The following DNAJC13 variants were observed in gnomAD, a reference collection of about 807,000 sequenced individuals.
The protein encoded by DNAJC13 is dnaJ homolog subfamily C member 13.
A neutral mutation model predicts 290.5 loss-of-function variants in DNAJC13; 75 were observed. That is an observed-to-expected ratio of 0.26 (90% CI 0.21 to 0.31). The LOEUF (loss-of-function observed/expected upper bound fraction) is 0.31. DNAJC13 is among the 10% of genes least tolerant of loss of function. The probability of loss-of-function intolerance (pLI) is 1.00; values close to 1 mark genes in which losing one functional copy is unlikely to be tolerated. For synonymous variants in DNAJC13, 862 were observed against 892.0 expected, an observed-to-expected ratio of 0.97 and a Z score of 0.60; for missense variants, 2,260 against 2,674.5, an observed-to-expected ratio of 0.85 and a Z score of 3.42.
chr3:132,460,103 C>T (rs1345155845), intron 13 of DNAJC13, 147 bp from the exon 14 acceptor site: 3 of 453,374 alleles, frequency 6.6e-6, no homozygotes, highest in African/African-American at 2.0e-5. Flanking sequence ...CTGCTTATCA[C>T]GAGTTTCCTT....
chr3:132,526,372 C>G, intron 53 of DNAJC13, 91 bp downstream of exon 53: 1 of 1,518,202 alleles, frequency 6.6e-7, no homozygotes, highest in Non-Finnish European at 8.9e-7. Context: ...GTTTCCTTGA[C>G]TTAAGGTTGG....
intron 1 of DNAJC13, among the ~76,000 whole-genome samples, chr3:132,434,180 A>G (rs549342835): frequency 7.9e-5 from 12 of 151,168 alleles, no homozygotes; most frequent in Admixed American, 5.3e-4. Flanking sequence ...ACTGCACTCC[A>G]GCCTGGGCGA....
chr3:132,466,191 C>T lies in DNAJC13; in HGVS notation c.1969-108C>T, dbSNP rs187417195. 2.9e-4 allele frequency: 401 copies of T among 1,393,578 alleles called. 2 individuals carry two copies. The African/African-American group carries it at 4.0e-3, about 14-fold the overall frequency. The allele number at this position is 1,393,578 out of a possible 1,614,324, so 86.3% of individuals were successfully genotyped here. A position where few individuals can be genotyped will look rare whatever the true frequency, so the allele number is the denominator to read the frequency against. On this transcript the variant is annotated intron_variant, in intron 18 of 55. Coordinates refer to ENST00000260818, the MANE Select transcript of DNAJC13 (RefSeq NM_015268.4). ...GAAAAGTTATTTATCATAGGAGTTA[C>T]CGTAAAGTTTTACCCTCAATAGCTA...
chr3:132,434,209 CAAAAAAA>C (rs544393571), intron 1 of DNAJC13, among the ~76,000 whole-genome samples: 1 of 107,446 alleles, frequency 9.3e-6, no homozygotes, highest in South Asian at 2.9e-4. Flanking sequence ...GACTCCATCT[CAAAAAAA>C]AAAAACAAAA....
At chr3:132,495,565 T>C (rs555382828) in intron 35 of DNAJC13, among the ~76,000 whole-genome samples, 2 of 152,296 alleles carry the variant, frequency 1.3e-5, no homozygotes, top group African/African-American at 2.4e-5. Flanking sequence ...CAATTTCATA[T>C]CACTGTAACT....
chr3:132,455,188 G>A (rs939602611), intron 9 of DNAJC13, among the ~76,000 whole-genome samples: 5 of 151,896 alleles, frequency 3.3e-5, no homozygotes, highest in Non-Finnish European at 5.9e-5. Context: ...AAAACCAAGC[G>A]ACCCAATAGT....
Position 132,464,281 on chromosome 3 carries a change from T to C in DNAJC13, c.1892+464T>C, listed in dbSNP as rs181084925. 1.7e-3 allele frequency among the ~76,000 whole-genome samples: 261 copies of C among 152,304 alleles called. 3 individuals are homozygous for C. The highest frequency in any genetic ancestry group is 9.6e-4 in the East Asian group (5 of 5,190). Reference sequence around the variant, plus strand: ...GCCTAAGCTAGACTTAACCTAAATCTCTTGTAATTAAATGATTCCCTTTTT... The same window carrying C: ...GCCTAAGCTAGACTTAACCTAAATCCCTTGTAATTAAATGATTCCCTTTTT... On this transcript the variant is annotated intron_variant, in intron 17 of 55. Transcript: ENST00000260818.
chr3:132,527,377 C>T (rs1936292340), intron 53 of DNAJC13, among the ~76,000 whole-genome samples: 1 of 152,164 alleles, frequency 6.6e-6, no homozygotes, highest in Non-Finnish European at 1.5e-5. Flanking sequence ...TCCCCTTCTC[C>T]CAGCCCCTCA....
At chr3:132,418,074 C>T (rs138248831) in intron 1 of DNAJC13, among the ~76,000 whole-genome samples, 5 of 152,292 alleles carry the variant, frequency 3.3e-5, no homozygotes, top group Non-Finnish European at 5.9e-5. Context: ...TCTTCATTCC[C>T]TTGTGGGTTC....
At position 132,431,739 on chromosome 3, in the gene DNAJC13, C is replaced by G. The variant is rs375189933; in HGVS notation, c.-13-2799C>G. On this transcript the variant is annotated intron_variant, in intron 1 of 55. Transcript: ENST00000260818. ...ATAGCCAAAAGGTAGAAACAACACC[C>G]GTGTCCATCAATTGACGAATGGATA... Among the ~76,000 whole-genome samples the G allele has an allele frequency of 8.0e-4, 121 of 152,126 alleles. 2 individuals carry two copies. Among genetic ancestry groups the G allele is most frequent in the Admixed American group, 2.0e-4 (3 of 15,278 alleles).
At chr3:132,517,858 G>C (rs1935964095) in intron 48 of DNAJC13, among the ~76,000 whole-genome samples, 1 of 152,286 alleles carries the variant, frequency 6.6e-6, no homozygotes, top group African/African-American at 2.4e-5. Flanking sequence ...TCTAGGTATT[G>C]AGAATCTGTC....
chr3:132,452,989 G>T (rs1933464663), intron 6 of DNAJC13, among the ~76,000 whole-genome samples: 1 of 152,218 alleles, frequency 6.6e-6, no homozygotes, highest in Non-Finnish European at 1.5e-5. Context: ...CAGTGGCTTG[G>T]CTGGGGTTCC....
intron 45 of DNAJC13, 23 bp downstream of exon 45, chr3:132,513,122 C>T (rs377487101): frequency 8.2e-6 from 13 of 1,582,230 alleles, no homozygotes; most frequent in South Asian, 3.3e-5. Context: ...TGTACTAAAG[C>T]GTGTTGCCTT....
At position 132,502,182 on chromosome 3, in the gene DNAJC13, AAAT is replaced by A. The variant is rs1935436248; in HGVS notation, c.4537-104_4537-102del. 7.4e-6 allele frequency: 7 copies of A among 945,354 alleles called. No homozygotes were observed. The South Asian group carries it at 1.5e-4, about 20-fold the overall frequency. The allele number at this position is 945,354 out of a possible 1,614,324, so 58.6% of individuals were successfully genotyped here. A position where few individuals can be genotyped will look rare whatever the true frequency, so the allele number is the denominator to read the frequency against. On this transcript the variant is annotated intron_variant, in intron 39 of 55. Coordinates refer to ENST00000260818, the MANE Select transcript of DNAJC13 (RefSeq NM_015268.4). The stretch of plus-strand genomic sequence containing the variant: ...TGTAAGAAGAGGTAAACATTTTACA[AAAT>A]AACGTGGTTGGCTTGACATACATGC...
chr3:132,424,732 A>G (rs563434537), intron 1 of DNAJC13, among the ~76,000 whole-genome samples: 5 of 152,066 alleles, frequency 3.3e-5, no homozygotes, highest in African/African-American at 4.8e-5. Context: ...AACGACATCT[A>G]TCTCTGGAGG....
At chr3:132,529,801 AAAG>A (rs893938128) in intron 54 of DNAJC13, among the ~76,000 whole-genome samples, 2 of 151,946 alleles carry the variant, frequency 1.3e-5, no homozygotes, top group African/African-American at 4.8e-5. Flanking sequence ...AAAAAAAAAA[AAAG>A]AGATATTAAA....
At chr3:132,440,854 A>G (rs1933042092) in intron 2 of DNAJC13, among the ~76,000 whole-genome samples, 1 of 152,216 alleles carries the variant, frequency 6.6e-6, no homozygotes, top group Non-Finnish European at 1.5e-5. Flanking sequence ...AAGTTAAGGA[A>G]GTTATCAGAG....
At chr3:132,511,388 T>A in intron 44 of DNAJC13, 144 bp downstream of exon 44, 1 of 992,510 alleles carries the variant, frequency 1.0e-6, no homozygotes, top group Non-Finnish European at 1.4e-6. Flanking sequence ...ATTGACCCTG[T>A]AATAGTTTTA....
At chr3:132,451,600 C>T (rs1576467280) in intron 6 of DNAJC13, among the ~76,000 whole-genome samples, 1 of 152,038 alleles carries the variant, frequency 6.6e-6, no homozygotes, top group East Asian at 1.9e-4. Context: ...TAGAGAAAGT[C>T]TCCAAATGGA....
Sources: gnomAD v4.1 joint callset for allele counts (sites outside exome capture counted in the v4.1 genomes callset) on GRCh38, gnomAD v4.1.1 for gene constraint, MANE v1.5 for transcripts, NCBI Gene and HGNC (gene_info 2026-07-23, HGNC 2026-07-21) for gene names.